The following LRRC4C variants were observed in gnomAD, a reference collection of about 807,000 sequenced individuals.
The protein encoded by LRRC4C is leucine-rich repeat-containing protein 4C.
A neutral mutation model predicts 33.6 loss-of-function variants in LRRC4C; 5 were observed. The observed-to-expected ratio is 0.15, with a 90% CI of 0.08 to 0.31. The LOEUF (loss-of-function observed/expected upper bound fraction) is 0.31, where lower values mean the gene tolerates loss of function less well. Among genes scored for constraint, LRRC4C ranks in the 10% least tolerant of loss-of-function variants. The pLI is 1.00. For missense variants in LRRC4C, 560 were observed against 796.7 expected, an observed-to-expected ratio of 0.70 and a Z score of 3.58; for synonymous variants, 329 against 302.0, an observed-to-expected ratio of 1.09 and a Z score of -0.93.
At chr11:41,453,889 G>A (rs1956102122) in intron 1 of LRRC4C, among the ~76,000 whole-genome samples, 1 of 152,056 alleles carries the variant, frequency 6.6e-6, no homozygotes, top group Non-Finnish European at 1.5e-5. Flanking sequence ...TTAAGGCTGT[G>A]GTAGAGGCCA....
chr11:41,090,612 G>T (rs1175028908), intron 1 of LRRC4C, among the ~76,000 whole-genome samples: 1 of 152,144 alleles, frequency 6.6e-6, no homozygotes, highest in East Asian at 1.9e-4. Flanking sequence ...GTGTTAAAAT[G>T]GTTTGGCTCT....
intron 1 of LRRC4C, among the ~76,000 whole-genome samples, chr11:41,418,727 C>G (rs1954775883): frequency 6.6e-6 from 1 of 151,912 alleles, no homozygotes. Context: ...TAGCGGGGGT[C>G]CAGCTAAATT....
intron 1 of LRRC4C, among the ~76,000 whole-genome samples, chr11:41,198,920 G>A (rs1033759367): frequency 6.6e-6 from 1 of 152,188 alleles, no homozygotes; most frequent in African/African-American, 2.4e-5. Context: ...CTCAACGGGT[G>A]TTTTATTTAT....
intron 3 of LRRC4C, among the ~76,000 whole-genome samples, chr11:40,380,644 G>A (rs757677437): frequency 5.9e-5 from 9 of 152,102 alleles, no homozygotes; most frequent in Non-Finnish European, 1.2e-4. Flanking sequence ...GAGATAATAC[G>A]TGTAAAGTAT....
At chr11:41,139,247 C>T (rs2135895228) in intron 1 of LRRC4C, among the ~76,000 whole-genome samples, 1 of 152,236 alleles carries the variant, frequency 6.6e-6, no homozygotes, top group African/African-American at 2.4e-5. Flanking sequence ...ACAACAGTCA[C>T]AGAGCTAGAA....
At chr11:41,228,633 C>T (rs1947648227) in intron 1 of LRRC4C, among the ~76,000 whole-genome samples, 1 of 152,114 alleles carries the variant, frequency 6.6e-6, no homozygotes, top group African/African-American at 2.4e-5. Flanking sequence ...AGTACTCATT[C>T]TGAAGATTGA....
At chr11:40,304,275 T>C (rs1013038972) in intron 4 of LRRC4C, among the ~76,000 whole-genome samples, 9 of 152,146 alleles carry the variant, frequency 5.9e-5, no homozygotes, top group African/African-American at 2.2e-4. Flanking sequence ...GGAGGGTGCC[T>C]CTAAGTGCCT....
chr11:40,697,870 C>A (rs575920905), intron 2 of LRRC4C, among the ~76,000 whole-genome samples: 22 of 152,094 alleles, frequency 1.4e-4, no homozygotes, highest in African/African-American at 3.9e-4. Flanking sequence ...GAGATAGAGA[C>A]CATCCTGGCT....
intron 3 of LRRC4C, among the ~76,000 whole-genome samples, chr11:40,595,997 T>G (rs145260415): frequency 0.011 from 1,598 of 152,172 alleles, 35 homozygotes; most frequent in African/African-American, 0.037. Context: ...CACCAGATAT[T>G]AGATGTCTGT....
intron 3 of LRRC4C, among the ~76,000 whole-genome samples, chr11:40,440,537 C>A (rs1326159001): frequency 6.6e-6 from 1 of 152,062 alleles, no homozygotes; most frequent in Non-Finnish European, 1.5e-5. Context: ...TTATATCATT[C>A]TCTTGAAAAC....
At chr11:41,146,645 C>T (rs1463505362) in intron 1 of LRRC4C, among the ~76,000 whole-genome samples, 1 of 152,182 alleles carries the variant, frequency 6.6e-6, no homozygotes, top group Non-Finnish European at 1.5e-5. Context: ...GAATACCCTC[C>T]TTCCTCCCGC....
At chr11:40,903,743 G>A (rs1158302406) in intron 2 of LRRC4C, among the ~76,000 whole-genome samples, 1 of 152,120 alleles carries the variant, frequency 6.6e-6, no homozygotes, top group Non-Finnish European at 1.5e-5. Context: ...AAGACCTACA[G>A]TTGCAACAGG....
intron 2 of LRRC4C, among the ~76,000 whole-genome samples, chr11:40,719,762 T>C (rs1281987389): frequency 6.6e-6 from 1 of 152,170 alleles, no homozygotes. Context: ...TATCACCCTT[T>C]AAACCACAAT....
chr11:41,286,993 C>A (rs1162326348), intron 1 of LRRC4C, among the ~76,000 whole-genome samples: 3 of 152,096 alleles, frequency 2.0e-5, no homozygotes, highest in Non-Finnish European at 4.4e-5. Context: ...AAAGCTTCAG[C>A]AATTTATTAC....
Position 40,505,849 on chromosome 11 carries a change from C to G in LRRC4C, c.-270+142293G>C, listed in dbSNP as rs116560798. On this transcript the variant is annotated intron_variant, in intron 3 of 6. Transcript: ENST00000528697. ...CCTCCCCCCGCTTTCACATTCTGAC[C>G]CCATTTTCTTAATATTTATGCTGGT... Among the ~76,000 whole-genome samples, 821 of 152,104 alleles carry G rather than the reference C, an allele frequency of 5.4e-3. 6 individuals are homozygous for G. Among genetic ancestry groups the G allele is most frequent in the African/African-American group, 0.019 (784 of 41,522 alleles).
chr11:40,418,682 T>A (rs1950414768), intron 3 of LRRC4C, among the ~76,000 whole-genome samples: 2 of 152,172 alleles, frequency 1.3e-5, no homozygotes, highest in South Asian at 4.1e-4. Flanking sequence ...GCAGCACTAT[T>A]CACAATAGCG....
chr11:40,376,715 G>T (rs995433781), intron 3 of LRRC4C, among the ~76,000 whole-genome samples: 3 of 148,142 alleles, frequency 2.0e-5, no homozygotes, highest in Non-Finnish European at 4.5e-5. Context: ...ATCAATGTGT[G>T]TGCTTATGTG....
chr11:40,891,093 C>T (rs533124432), intron 2 of LRRC4C, among the ~76,000 whole-genome samples: 4 of 151,926 alleles, frequency 2.6e-5, no homozygotes, highest in Admixed American at 6.6e-5. Context: ...AGCCAGAAAA[C>T]GGTAGAGGGT....
chr11:41,088,981 A>G (rs998906911), intron 1 of LRRC4C, among the ~76,000 whole-genome samples: 3 of 152,106 alleles, frequency 2.0e-5, no homozygotes, highest in Admixed American at 6.6e-5. Context: ...CAATCAGGCT[A>G]CTTACCAAAA....
Sources: allele counts gnomAD v4.1 joint callset (sites outside exome capture counted in the v4.1 genomes callset), GRCh38; gene constraint gnomAD v4.1.1; transcripts MANE v1.5; gene names NCBI Gene and HGNC (gene_info 2026-07-23, HGNC 2026-07-21).